PKHD1: variants seen among roughly 807,000 people sequenced by gnomAD.
The protein encoded by PKHD1 is fibrocystin.
Under a neutral mutation model 412.0 loss-of-function variants are expected in PKHD1, and 291 were observed. The ratio of observed to expected loss-of-function variants is 0.71; its 90% CI spans 0.64 to 0.78. The LOEUF (loss-of-function observed/expected upper bound fraction) is 0.78, where lower values mean the gene tolerates loss of function less well. Among genes scored for constraint, PKHD1 ranks in the 30% least tolerant of loss-of-function variants. The probability of loss-of-function intolerance (pLI) is 0.00; values close to 1 mark genes in which losing one functional copy is unlikely to be tolerated. For missense variants in PKHD1, 4,825 were observed against 4,950.7 expected (o/e 0.97, Z 0.76); for synonymous variants, 1,777 against 1,821.5 (o/e 0.98, Z 0.62).
intron 43 of PKHD1, among the ~76,000 whole-genome samples, chr6:51,891,983 C>T (rs557663019): frequency 6.6e-6 from 1 of 152,234 alleles, no homozygotes; most frequent in South Asian, 2.1e-4. Context: ...GACACAATTG[C>T]CCCGGGCTGT....
chr6:52,025,758 C>G lies in PKHD1; in HGVS notation c.4052G>C (p.Gly1351Ala). 1 of 1,614,144 alleles carries G rather than the reference C, an allele frequency of 6.2e-7. No individual in the cohort carries two copies. The highest frequency in any genetic ancestry group is 8.5e-7 in the Non-Finnish European group (1 of 1,180,010). The change falls in exon 32 of 67, where the codon GGA becomes GCA. Residue 1351 changes from glycine (G) to alanine (A), a missense_variant. Transcript: ENST00000371117. ...QSFQGNVSLS[G>A]CSIPLHSLEA... ...CAGACTGTGAAGAGGGATGGAGCAT[C>G]CAGACAGGCTCACGTTGCCCTGGAA...
At chr6:51,904,314 A>T (rs773179962) in intron 41 of PKHD1, among the ~76,000 whole-genome samples, 1 of 152,156 alleles carries the variant, frequency 6.6e-6, no homozygotes, top group Non-Finnish European at 1.5e-5. Context: ...TAAGTGCCAC[A>T]TATCCTGTGT....
rs147612089 is a variant in PKHD1, at chr6:51,659,916, T to C, written c.10210A>G (p.Ile3404Val). ...CTYQFLMQGFICKQTDQVVLI... is the reference protein window; with the variant it reads ...CTYQFLMQGFVCKQTDQVVLI... ...ACCACTTGGTCAGTCTGTTTGCAGA[T>C]GAATCCTTGCATCAGAAATTGGTAT... Residue 3404 changes from isoleucine (I) to valine (V), a missense_variant, in exon 61 of 67, where the codon ATC (isoleucine) becomes GTC (valine). Coordinates refer to ENST00000371117, the MANE Select transcript of PKHD1 (RefSeq NM_138694.4). 1.0e-4 allele frequency: 165 copies of C among 1,612,612 alleles called. 1 individual carries two copies. In the African/African-American group the frequency reaches 1.6e-3, roughly 16 times the overall value.
chr6:51,832,403 T>C (rs920019953), intron 51 of PKHD1, among the ~76,000 whole-genome samples: 3 of 151,926 alleles, frequency 2.0e-5, no homozygotes, highest in African/African-American at 7.3e-5. Flanking sequence ...AGTGGAGGAA[T>C]GATAAGAAAT....
intron 39 of PKHD1, among the ~76,000 whole-genome samples, chr6:51,909,868 A>G (rs1782691802): frequency 6.6e-6 from 1 of 152,116 alleles, no homozygotes; most frequent in Admixed American, 6.6e-5. Context: ...ACTGAATATA[A>G]TAACAGCACT....
At chr6:51,643,488 G>A (rs1363187333) in intron 63 of PKHD1, among the ~76,000 whole-genome samples, 2 of 152,138 alleles carry the variant, frequency 1.3e-5, no homozygotes, top group African/African-American at 2.4e-5. Flanking sequence ...TAAGTAGAAG[G>A]GAAAGTCTGG....
chr6:52,035,462 T>C (rs975739422), intron 28 of PKHD1, 129 bp downstream of exon 28: 2 of 951,186 alleles, frequency 2.1e-6, no homozygotes, highest in Admixed American at 1.8e-5. Flanking sequence ...ATATAACTAC[T>C]ACAAGCATAC....
chr6:51,869,349 G>A (rs1299276892), intron 47 of PKHD1, among the ~76,000 whole-genome samples: 1 of 152,042 alleles, frequency 6.6e-6, no homozygotes, highest in African/African-American at 2.4e-5. Flanking sequence ...ATGAGCTCTT[G>A]CCTGACCCCC....
intron 60 of PKHD1, among the ~76,000 whole-genome samples, chr6:51,665,821 T>C (rs920149516): frequency 6.6e-6 from 1 of 152,178 alleles, no homozygotes; most frequent in Non-Finnish European, 1.5e-5. Flanking sequence ...GTAAGCTCTC[T>C]GAGAGGCTAA....
chr6:51,866,336 A>G (rs1247277740), intron 48 of PKHD1, among the ~76,000 whole-genome samples: 2 of 152,180 alleles, frequency 1.3e-5, no homozygotes, highest in African/African-American at 4.8e-5. Context: ...CAAGAAAAAA[A>G]TCCAGGAAAA....
At chr6:51,724,829 C>A (rs911286161) in intron 60 of PKHD1, among the ~76,000 whole-genome samples, 6 of 152,024 alleles carry the variant, frequency 3.9e-5, no homozygotes, top group Admixed American at 6.6e-5. Flanking sequence ...TATTTGACTA[C>A]AGTAAACGAG....
chr6:51,615,575 T>C lies in PKHD1; in HGVS notation c.*3506A>G, dbSNP rs573422470. ...CATGAATTTTAAATGACAGAATTAATTAAAATTCTTTACTGTTATTGACAC... is the reference window on the plus strand; with the variant it reads ...CATGAATTTTAAATGACAGAATTAACTAAAATTCTTTACTGTTATTGACAC... On this transcript the variant is annotated 3_prime_UTR_variant, in exon 67 of 67. Transcript: ENST00000371117. 8.0e-4 allele frequency: 122 copies of C among 152,360 alleles called. No individual in the cohort carries two copies. Among genetic ancestry groups the C allele is most frequent in the African/African-American group, 2.9e-3 (119 of 41,586 alleles). The allele number at this position is 152,360 out of a possible 1,614,324, so 9.4% of individuals were successfully genotyped here.
chr6:51,660,889 G>A lies in PKHD1; in HGVS notation c.10157-920C>T, dbSNP rs182924357. Among the ~76,000 whole-genome samples the A allele has an allele frequency of 8.1e-4, 124 of 152,176 alleles. 6 individuals are homozygous for A. The East Asian group carries it at 0.017, about 21-fold the overall frequency. ...ACTAAGTTATTGGTTGTTGGTGATC[G>A]ACTCAACCTTCAGACTCTCTCCCTT... On this transcript the variant is annotated intron_variant, in intron 60 of 66. Coordinates refer to ENST00000371117, the MANE Select transcript of PKHD1 (RefSeq NM_138694.4).
At chr6:51,779,987 T>C (rs1044061203) in intron 53 of PKHD1, among the ~76,000 whole-genome samples, 4 of 152,092 alleles carry the variant, frequency 2.6e-5, no homozygotes, top group African/African-American at 9.7e-5. Flanking sequence ...TTATACAGCA[T>C]TTGTTTTCTG....
intron 37 of PKHD1, among the ~76,000 whole-genome samples, chr6:51,922,145 C>T (rs1042590856): frequency 2.0e-5 from 3 of 152,216 alleles, no homozygotes; most frequent in Non-Finnish European, 4.4e-5. Context: ...GATGTTGATG[C>T]TGTTCCTTTC....
At chr6:52,013,301 T>C (rs977200379) in intron 34 of PKHD1, among the ~76,000 whole-genome samples, 2 of 152,232 alleles carry the variant, frequency 1.3e-5, no homozygotes, top group Non-Finnish European at 2.9e-5. Context: ...ACTAAGCATG[T>C]TATTCTTGCT....
chr6:51,666,826 A>C, intron 60 of PKHD1, among the ~76,000 whole-genome samples: 1 of 151,878 alleles, frequency 6.6e-6, no homozygotes. Context: ...TAGTTTACTG[A>C]GAATGATGAT....
At chr6:51,809,072 C>T (rs528412717) in intron 52 of PKHD1, among the ~76,000 whole-genome samples, 24 of 152,172 alleles carry the variant, frequency 1.6e-4, no homozygotes, top group East Asian at 7.7e-4. Context: ...ATCCCAAGAA[C>T]TAATACTCAA....
At chr6:51,869,416 C>G (rs957904218) in intron 47 of PKHD1, among the ~76,000 whole-genome samples, 2 of 152,124 alleles carry the variant, frequency 1.3e-5, no homozygotes, top group Non-Finnish European at 2.9e-5. Flanking sequence ...TCATCATGCT[C>G]TCTTACAATA....
Sources: gnomAD v4.1 joint callset for allele counts (sites outside exome capture counted in the v4.1 genomes callset) on GRCh38, gnomAD v4.1.1 for gene constraint, MANE v1.5 for transcripts, NCBI Gene and HGNC (gene_info 2026-07-23, HGNC 2026-07-21) for gene names.